Variants in ODAD4 observed in about 807,000 individuals in gnomAD.
ODAD4 encodes the protein outer dynein arm-docking complex subunit 4.
ODAD4 carries 49 observed loss-of-function variants against 51.8 expected under a neutral mutation model. The observed-to-expected ratio is 0.95, with a 90% CI of 0.75 to 1.20. ODAD4 has a LOEUF of 1.20. Ranked by LOEUF, ODAD4 falls within the 50% of genes most tolerant of loss-of-function variation. The pLI is 0.00. For synonymous variants in ODAD4, 235 were observed against 221.3 expected (o/e 1.06, Z -0.55); for missense variants, 590 against 586.5 (o/e 1.01, Z -0.06).
intron 5 of ODAD4, among the ~76,000 whole-genome samples, chr17:41,937,539 C>T (rs188892139): frequency 2.8e-4 from 43 of 152,100 alleles, no homozygotes; most frequent in Non-Finnish European, 4.9e-4. Flanking sequence ...GAAGCAAATT[C>T]GGCTCACTGC....
At chr17:41,933,647 C>T (rs1392128972) in intron 1 of ODAD4, among the ~76,000 whole-genome samples, 1 of 150,392 alleles carries the variant, frequency 6.6e-6, no homozygotes, top group Non-Finnish European at 1.5e-5. Context: ...AGCAAAACGC[C>T]ATCTCAAAAA....
At position 41,955,037 on chromosome 17, in the gene ODAD4, G is replaced by A. The variant is rs782648785; in HGVS notation, c.1343-180G>A. On this transcript the variant is annotated intron_variant, in intron 9 of 11. Transcript: ENST00000377540. The stretch of plus-strand genomic sequence containing the variant: ...GGTTCTCGATGGTGACATAGCCCAG[G>A]AACACGGTGGAAAGGATGGTGCTGA... 3.4e-5 allele frequency: 24 copies of A among 702,356 alleles called. No individual in the cohort carries two copies. In the South Asian group the frequency reaches 3.5e-4, roughly 10 times the overall value. 43.5% of individuals were successfully genotyped at this position (702,356 alleles called of 1,614,324 possible).
intron 11 of ODAD4, among the ~76,000 whole-genome samples, chr17:41,964,485 C>T (rs1555642197): frequency 6.6e-6 from 1 of 152,218 alleles, no homozygotes; most frequent in Non-Finnish European, 1.5e-5. Context: ...CAGGACGGAG[C>T]TGGGCTCAGT....
Position 41,961,401 on chromosome 17 carries a change from A to C in ODAD4, c.1463A>C (p.Lys488Thr). The C allele has an allele frequency of 1.3e-6, 1 of 747,310 alleles. No homozygotes were observed. The highest frequency in any genetic ancestry group is 1.4e-5 in the South Asian group (1 of 69,262). The allele number at this position is 747,310 out of a possible 1,614,324, so 46.3% of individuals were successfully genotyped here. A position where few individuals can be genotyped will look rare whatever the true frequency, so the allele number is the denominator to read the frequency against. ...CCACAGGCCTTGGACGATGCCAACA[A>C]GGGTATCATCAGAGAACTGAGGAAA... ...AIISALDDAN[K>T]GIIRELRKTN... Residue 488 changes from lysine (K) to threonine (T), a missense_variant, in exon 11 of 12, where the codon AAG (lysine) becomes ACG (threonine). Transcript: ENST00000377540.
chr17:41,950,005 T>G (rs36194179), intron 9 of ODAD4, among the ~76,000 whole-genome samples: 3,474 of 151,858 alleles, frequency 0.023, 140 homozygotes, highest in African/African-American at 0.079. Flanking sequence ...AGTCTCACTA[T>G]GTTACCCAGG....
chr17:41,946,821 G>A (rs886926725), intron 8 of ODAD4, among the ~76,000 whole-genome samples: 1 of 151,500 alleles, frequency 6.6e-6, no homozygotes, highest in Admixed American at 6.6e-5. Flanking sequence ...TGGGACTACA[G>A]TTGTGTGCCA....
intron 11 of ODAD4, among the ~76,000 whole-genome samples, chr17:41,964,613 C>G (rs1215372095): frequency 1.3e-5 from 2 of 152,152 alleles, no homozygotes; most frequent in African/African-American, 4.8e-5. Context: ...AAAGCACAGG[C>G]CTCCACAGAG....
At chr17:41,941,779 AAAAAG>A (rs2050510117) in intron 7 of ODAD4, among the ~76,000 whole-genome samples, 1 of 151,678 alleles carries the variant, frequency 6.6e-6, no homozygotes, top group Non-Finnish European at 1.5e-5. Context: ...AAAAAAAAAA[AAAAAG>A]AGAGAAAAGA....
At chr17:41,934,604 G>A (rs927412784) in intron 1 of ODAD4, among the ~76,000 whole-genome samples, 5 of 151,936 alleles carry the variant, frequency 3.3e-5, no homozygotes, top group African/African-American at 7.3e-5. Flanking sequence ...CGCCCACCTC[G>A]ACCTGCCAAA....
At chr17:41,944,871 G>C (rs1323479795) in intron 7 of ODAD4, among the ~76,000 whole-genome samples, 2 of 152,152 alleles carry the variant, frequency 1.3e-5, no homozygotes, top group Non-Finnish European at 2.9e-5. Flanking sequence ...TCTTTTTGAG[G>C]TAGATTCCTA....
intron 1 of ODAD4, among the ~76,000 whole-genome samples, chr17:41,931,961 C>G (rs933680586): frequency 1.3e-4 from 20 of 150,870 alleles, no homozygotes; most frequent in Admixed American, 6.6e-4. Context: ...TAGTCTTGCT[C>G]TGTCTCCAGG....
rs563244920 is a variant in ODAD4 at position 41,937,045 on chromosome 17, A to G, written c.625+118A>G. The G allele has an allele frequency of 7.4e-4, 896 of 1,217,290 alleles. 2 individuals carry two copies. The highest frequency in any genetic ancestry group is 1.0e-3 in the Non-Finnish European group (864 of 865,666). The allele number at this position is 1,217,290 out of a possible 1,614,324, so 75.4% of individuals were successfully genotyped here. ...TATTAGCTGACGTGTACCTGTGGAC[A>G]GGTTTTATTAGCATTCTCATTTTAC... On this transcript the variant is annotated intron_variant, in intron 5 of 11. Coordinates refer to ENST00000377540, the MANE Select transcript of ODAD4 (RefSeq NM_031421.5).
intron 9 of ODAD4, among the ~76,000 whole-genome samples, chr17:41,952,209 A>G (rs1351507181): frequency 2.0e-5 from 3 of 151,500 alleles, no homozygotes; most frequent in Admixed American, 1.3e-4. Context: ...TCTACTAAAA[A>G]TCCAAAAAAT....
rs369477857 is a variant in ODAD4, at chr17:41,961,903, G to A, written c.1528+437G>A. 2.4e-3 allele frequency among the ~76,000 whole-genome samples: 372 copies of A among 152,284 alleles called. 3 individuals carry two copies. The highest frequency in any genetic ancestry group is 8.4e-3 in the African/African-American group (349 of 41,558). On this transcript the variant is annotated intron_variant, in intron 11 of 11. Transcript: ENST00000377540. ...GTGCTGCCATGAGGGTGCATGCAAC[G>A]GGGCGTGGGCTCCTCTGGGGAGGCA... is the stretch of plus-strand genomic sequence containing the variant.
chr17:41,933,708 G>A (rs2050382471), intron 1 of ODAD4, among the ~76,000 whole-genome samples: 1 of 152,004 alleles, frequency 6.6e-6, no homozygotes, highest in Non-Finnish European at 1.5e-5. Context: ...CAGGTACTCG[G>A]GAGGCTGAAG....
intron 11 of ODAD4, 96 bp downstream of exon 11, chr17:41,961,562 T>A (rs1205875401): frequency 2.9e-6 from 2 of 688,464 alleles, no homozygotes; most frequent in African/African-American, 3.5e-5. Flanking sequence ...CTCCCCAATC[T>A]GGGGGCTTGG....
intron 9 of ODAD4, among the ~76,000 whole-genome samples, chr17:41,954,030 G>C (rs2050694533): frequency 1.3e-5 from 2 of 151,612 alleles, no homozygotes; most frequent in Non-Finnish European, 2.9e-5. Context: ...CTGTCACACA[G>C]GCTGGAGTGC....
At chr17:41,959,218 A>G (rs1370008530) in intron 10 of ODAD4, among the ~76,000 whole-genome samples, 1 of 152,102 alleles carries the variant, frequency 6.6e-6, no homozygotes, top group Non-Finnish European at 1.5e-5. Context: ...AAGCTTAGTA[A>G]AGTCTGCACA....
At chr17:41,946,895 C>G (rs375564004) in intron 8 of ODAD4, among the ~76,000 whole-genome samples, 2 of 150,614 alleles carry the variant, frequency 1.3e-5, no homozygotes, top group Admixed American at 6.6e-5. Flanking sequence ...CTGTCCCCCA[C>G]GCTGGAGTGC....
Sources: allele counts gnomAD v4.1 joint callset (sites outside exome capture counted in the v4.1 genomes callset), GRCh38; gene constraint gnomAD v4.1.1; transcripts MANE v1.5; gene names NCBI Gene and HGNC (gene_info 2026-07-23, HGNC 2026-07-21).